Variants in COG3 observed in about 807,000 individuals in gnomAD.
The protein encoded by COG3 is component of oligomeric golgi complex 3, also known as conserved oligomeric Golgi complex subunit 3.
In COG3, 32 loss-of-function variants were observed where a neutral mutation model predicts 114.1. That is an observed-to-expected ratio of 0.28 (90% CI 0.21 to 0.38). The LOEUF (loss-of-function observed/expected upper bound fraction) is 0.38, where lower values mean the gene tolerates loss of function less well. Ranked by LOEUF, COG3 falls within the 10% of genes least tolerant of loss-of-function variation. The pLI, the probability that COG3 is intolerant of heterozygous loss-of-function variation, is 1.00. For synonymous variants in COG3, 352 were observed against 365.7 expected (o/e 0.96, Z 0.43); for missense variants, 813 against 973.2 (o/e 0.84, Z 2.19).
chr13:45,534,765 T>C lies in COG3; in HGVS notation c.*34T>C. 6.5e-7 allele frequency: 1 copy of C among 1,546,970 alleles called. No homozygotes were observed. The highest frequency in any genetic ancestry group is 8.7e-7 in the Non-Finnish European group (1 of 1,146,042). On this transcript the variant is annotated 3_prime_UTR_variant, in exon 23 of 23. Coordinates refer to ENST00000349995, the MANE Select transcript of COG3 (RefSeq NM_031431.4). ...GCCGGGCTGTGCACCTAAATGTCTGTCTGGGAGGAGCAGGCTGAGAAGTCT... is the reference window on the plus strand; with the variant it reads ...GCCGGGCTGTGCACCTAAATGTCTGCCTGGGAGGAGCAGGCTGAGAAGTCT...
chr13:45,495,804 G>T (rs1201355638), intron 12 of COG3, among the ~76,000 whole-genome samples: 1 of 152,060 alleles, frequency 6.6e-6, no homozygotes, highest in Non-Finnish European at 1.5e-5. Context: ...TGTAAAATGG[G>T]GATGATGATA....
intron 22 of COG3, 142 bp from the exon 23 acceptor site, chr13:45,534,560 G>C (rs2137940099): frequency 2.1e-6 from 1 of 467,934 alleles, no homozygotes; most frequent in East Asian, 3.5e-5. Context: ...GATTCAAGGG[G>C]TACATACATG....
intron 20 of COG3, among the ~76,000 whole-genome samples, chr13:45,525,633 G>GTTTTT (rs1566273037): frequency 1.4e-4 from 2 of 13,918 alleles, no homozygotes; most frequent in African/African-American, 7.2e-4. Flanking sequence ...GAGGGCTTTG[G>GTTTTT]GTTTTTTTTT....
intron 7 of COG3, among the ~76,000 whole-genome samples, chr13:45,485,077 G>A (rs774908434): frequency 8.0e-3 from 1,077 of 133,864 alleles, no homozygotes; most frequent in African/African-American, 0.031. Context: ...CCACAAAGCT[G>A]CCATTGTCAT....
At chr13:45,483,977 T>C (rs1326867241) in intron 7 of COG3, among the ~76,000 whole-genome samples, 1 of 152,126 alleles carries the variant, frequency 6.6e-6, no homozygotes, top group African/African-American at 2.4e-5. Context: ...ATTAGTTAAT[T>C]ATGGATTGTA....
At chr13:45,496,668 T>C (rs915317899) in intron 13 of COG3, among the ~76,000 whole-genome samples, 7 of 152,080 alleles carry the variant, frequency 4.6e-5, no homozygotes, top group African/African-American at 1.7e-4. Flanking sequence ...TCAAGTTATG[T>C]TTTTTTGTTT....
chr13:45,488,544 G>T (rs1329699289), intron 8 of COG3, among the ~76,000 whole-genome samples: 1 of 152,076 alleles, frequency 6.6e-6, no homozygotes, highest in African/African-American at 2.4e-5. Context: ...ATAAAAAATG[G>T]ATTATGGTGA....
chr13:45,499,783 A>G (rs1201276110), intron 13 of COG3, among the ~76,000 whole-genome samples: 1 of 152,140 alleles, frequency 6.6e-6, no homozygotes, highest in Non-Finnish European at 1.5e-5. Context: ...GCACTGTGGG[A>G]GGCCAAGGTG....
At chr13:45,530,095 T>G (rs1431382763) in intron 21 of COG3, among the ~76,000 whole-genome samples, 177 bp downstream of exon 21, 1 of 152,226 alleles carries the variant, frequency 6.6e-6, no homozygotes, top group African/African-American at 2.4e-5. Flanking sequence ...CTTGATTATC[T>G]TTTTTTCCCA....
chr13:45,523,251 T>G (rs989625656), intron 19 of COG3, among the ~76,000 whole-genome samples: 1 of 152,176 alleles, frequency 6.6e-6, no homozygotes, highest in Non-Finnish European at 1.5e-5. Flanking sequence ...TACGAGTTTA[T>G]TCTTAATATT....
intron 13 of COG3, among the ~76,000 whole-genome samples, chr13:45,497,990 G>A (rs1869034799): frequency 6.6e-6 from 1 of 152,130 alleles, no homozygotes; most frequent in Non-Finnish European, 1.5e-5. Flanking sequence ...ACTTTCAGTA[G>A]GTAACTCTAA....
chr13:45,506,014 A>G (rs35671948), intron 14 of COG3, among the ~76,000 whole-genome samples: 23,445 of 152,070 alleles, frequency 0.15, 2,985 homozygotes, highest in African/African-American at 0.35. Context: ...CTCCCACCTC[A>G]GCCTCCCAAG....
Position 45,476,221 on chromosome 13 carries a change from C to T in COG3, c.195C>T (p.Cys65=). Residue 65 remains cysteine (C), a synonymous_variant, in exon 2 of 23, where the codon TGC becomes TGT. Coordinates refer to ENST00000349995, the MANE Select transcript of COG3 (RefSeq NM_031431.4). ...VPAELPIEDL[C]SLTSQSLPIE... ...TCAAGCTTCCAATTGAAGACTTGTG[C>T]AGTTTAACATCCCAGTCACTGCCCA... The T allele has an allele frequency of 6.2e-7, 1 of 1,613,480 alleles. No individual in the cohort carries two copies. Among genetic ancestry groups the T allele is most frequent in the Non-Finnish European group, 8.5e-7 (1 of 1,179,758 alleles).
intron 10 of COG3, 137 bp downstream of exon 10, chr13:45,491,675 T>C: frequency 1.3e-6 from 1 of 781,616 alleles, no homozygotes. Flanking sequence ...ATGACAAATC[T>C]AGTTTGGTAA....
In COG3 at chr13:45,529,917, G is replaced by C; in HGVS notation, c.2357G>C (p.Arg786Thr). 1 of 1,605,906 alleles carries C rather than the reference G, an allele frequency of 6.2e-7. No homozygotes were observed. Among genetic ancestry groups the C allele is most frequent in the South Asian group, 1.1e-5 (1 of 88,724 alleles). ...DTEFILFKPV[R>T]NNIQQVFQKF... ...GAGTTCATCTTGTTTAAACCTGTGA[G>C]GGTGAGTATCAGATAACTCATTTGA... Residue 786 changes from arginine (R) to threonine (T), a missense_variant and splice_region_variant, in exon 21 of 23, where the codon AGG becomes ACG. Transcript: ENST00000349995.
At chr13:45,466,510 C>T (rs1055724370) in intron 1 of COG3, 1 of 152,168 alleles carries the variant, frequency 6.6e-6, no homozygotes, top group African/African-American at 2.4e-5. Flanking sequence ...TCTTTTTCCA[C>T]CTCTAGGATA....
chr13:45,497,066 T>G, intron 13 of COG3, among the ~76,000 whole-genome samples: 1 of 152,214 alleles, frequency 6.6e-6, no homozygotes, highest in East Asian at 1.9e-4. Flanking sequence ...TAGTGATCCC[T>G]GTGATTTCTC....
At chr13:45,516,669 T>C (rs376885351) in intron 17 of COG3, among the ~76,000 whole-genome samples, 5 of 152,308 alleles carry the variant, frequency 3.3e-5, no homozygotes, top group South Asian at 4.1e-4. Context: ...AGAGTACTTA[T>C]CTAAGAATTT....
chr13:45,486,354 G>C, intron 7 of COG3, 141 bp from the exon 8 acceptor site: 2 of 611,778 alleles, frequency 3.3e-6, no homozygotes. Context: ...GAGGGAGAGG[G>C]AGAGGGAGAG....
Sources: gnomAD v4.1 joint callset for allele counts (sites outside exome capture counted in the v4.1 genomes callset) on GRCh38, gnomAD v4.1.1 for gene constraint, MANE v1.5 for transcripts, NCBI Gene and HGNC (gene_info 2026-07-23, HGNC 2026-07-21) for gene names.